Variants in SLC35F4 observed in about 807,000 individuals in gnomAD.
SLC35F4 encodes solute carrier family 35 member F4.
Under a neutral mutation model 44.2 loss-of-function variants are expected in SLC35F4, and 24 were observed. The observed-to-expected ratio is 0.54, with a 90% CI of 0.39 to 0.76. The LOEUF is 0.76. Among genes scored for constraint, SLC35F4 ranks in the 30% least tolerant of loss-of-function variants. The pLI, the probability that SLC35F4 is intolerant of heterozygous loss-of-function variation, is 0.00. For missense variants in SLC35F4, 562 were observed against 586.1 expected (o/e 0.96, Z 0.42); for synonymous variants, 238 against 223.6 (o/e 1.06, Z -0.57).
chr14:57,776,502 TAAAA>T (rs753982085), intron 1 of SLC35F4, among the ~76,000 whole-genome samples: 1 of 151,696 alleles, frequency 6.6e-6, no homozygotes, highest in Non-Finnish European at 1.5e-5. Context: ...CCTTCTCTAC[TAAAA>T]ATACAAAAAA....
At chr14:57,713,022 TA>T (rs145171597) in intron 1 of SLC35F4, among the ~76,000 whole-genome samples, 1 of 152,020 alleles carries the variant, frequency 6.6e-6, no homozygotes, top group East Asian at 1.9e-4. Context: ...GTCAGAAACT[TA>T]AAAAAAATCC....
intron 1 of SLC35F4, among the ~76,000 whole-genome samples, chr14:57,752,861 G>T (rs1031754504): frequency 6.6e-6 from 1 of 152,170 alleles, no homozygotes; most frequent in Non-Finnish European, 1.5e-5. Context: ...CCTCAGGAAA[G>T]CACAAATGAA....
In SLC35F4 at chr14:57,815,646, A is replaced by T. The variant is rs545992719; in HGVS notation, c.103+50077T>A. On this transcript the variant is annotated intron_variant, in intron 1 of 7. Transcript: ENST00000556826. ...GCTATGACCTAGCTTCTGGCAAGGC[A>T]GAATTTACTTAAGGATGCATCATTG... Among the ~76,000 whole-genome samples the T allele has an allele frequency of 3.9e-5, 6 of 152,310 alleles. No individual in the cohort carries two copies. In the East Asian group the frequency reaches 1.2e-3, roughly 29 times the overall value.
chr14:57,855,419 C>T (rs959243203), intron 1 of SLC35F4, among the ~76,000 whole-genome samples: 2 of 152,120 alleles, frequency 1.3e-5, no homozygotes, highest in Non-Finnish European at 2.9e-5. Context: ...ATTTATGCAG[C>T]CAAGAAACAT....
At chr14:57,828,491 A>G (rs893324605) in intron 1 of SLC35F4, among the ~76,000 whole-genome samples, 2 of 152,238 alleles carry the variant, frequency 1.3e-5, no homozygotes, top group Admixed American at 1.3e-4. Context: ...GGCAATGGGT[A>G]TATTTTAATT....
intron 1 of SLC35F4, among the ~76,000 whole-genome samples, chr14:57,847,116 G>A (rs1232504787): frequency 6.6e-6 from 1 of 152,144 alleles, no homozygotes; most frequent in East Asian, 1.9e-4. Context: ...TGTTAATTTT[G>A]CCAGAGTTTT....
intron 1 of SLC35F4, among the ~76,000 whole-genome samples, chr14:57,830,626 G>A (rs1246798129): frequency 6.6e-6 from 1 of 152,158 alleles, no homozygotes; most frequent in East Asian, 1.9e-4. Flanking sequence ...AATTAAATGA[G>A]CCAATATGGT....
Position 57,711,453 on chromosome 14 carries a change from G to A in SLC35F4, c.104-117329C>T, listed in dbSNP as rs186345036. 1.2e-3 allele frequency among the ~76,000 whole-genome samples: 177 copies of A among 152,264 alleles called. 1 individual carries two copies. The highest frequency in any genetic ancestry group is 2.1e-3 in the Non-Finnish European group (144 of 68,020). On this transcript the variant is annotated intron_variant, in intron 1 of 7. Coordinates refer to ENST00000556826, the MANE Select transcript of SLC35F4 (RefSeq NM_001306087.2). ...GAAGTAAAAAAAAGTGGTTATGACC[G>A]AGTTAAACTATGAGTTGAATCATAT...
At chr14:57,949,694 T>A (rs1284570927) in intron 1 of SLC35F4, among the ~76,000 whole-genome samples, 1 of 152,210 alleles carries the variant, frequency 6.6e-6, no homozygotes. Context: ...GGAACTTCTT[T>A]TAGCATTTCT....
chr14:57,834,105 G>A (rs1263614534), intron 1 of SLC35F4, among the ~76,000 whole-genome samples: 1 of 152,146 alleles, frequency 6.6e-6, no homozygotes, highest in Non-Finnish European at 1.5e-5. Context: ...TAAGATGAGA[G>A]CAACCCGACA....
At chr14:57,807,930 G>A (rs1052341379) in intron 1 of SLC35F4, among the ~76,000 whole-genome samples, 2 of 151,722 alleles carry the variant, frequency 1.3e-5, no homozygotes, top group Admixed American at 6.6e-5. Flanking sequence ...GCAAAGGCAT[G>A]TTTTACATGG....
chr14:57,889,166 T>G lies in SLC35F4; in HGVS notation n.282+92747A>C, dbSNP rs148439518. On this transcript the variant is annotated intron_variant and non_coding_transcript_variant, in intron 1 of 1. Transcript: ENST00000556568. ...TTTAGAGCTGCCCTATATAAACGAT[T>G]TGGCTTCCTGGGGCAGTTCATCTGT... is the stretch of plus-strand genomic sequence containing the variant. 1.2e-3 allele frequency among the ~76,000 whole-genome samples: 182 copies of G among 152,346 alleles called. 1 individual carries two copies. Among genetic ancestry groups the G allele is most frequent in the African/African-American group, 4.2e-3 (175 of 41,576 alleles).
intron 1 of SLC35F4, among the ~76,000 whole-genome samples, chr14:57,822,322 T>C (rs2140913230): frequency 6.6e-6 from 1 of 152,320 alleles, no homozygotes; most frequent in South Asian, 2.1e-4. Context: ...CAGTATCACC[T>C]ATGCAACACT....
intron 1 of SLC35F4, among the ~76,000 whole-genome samples, chr14:57,668,091 T>C (rs1257376101): frequency 1.3e-5 from 2 of 150,528 alleles, no homozygotes; most frequent in African/African-American, 2.5e-5. Flanking sequence ...CCAGTGATGA[T>C]GAGCATTTTT....
At chr14:57,650,502 T>C (rs1163433636) in intron 1 of SLC35F4, among the ~76,000 whole-genome samples, 2 of 152,094 alleles carry the variant, frequency 1.3e-5, no homozygotes, top group Non-Finnish European at 2.9e-5. Context: ...CTCAACTACG[T>C]CTACTTCTCA....
At chr14:57,592,287 C>A (rs1453433098) in intron 2 of SLC35F4, among the ~76,000 whole-genome samples, 3 of 152,202 alleles carry the variant, frequency 2.0e-5, no homozygotes, top group Admixed American at 1.3e-4. Context: ...GCTTCTTTAT[C>A]TGTCCAACAG....
intron 1 of SLC35F4, chr14:57,630,165 G>A (rs979722724): frequency 2.0e-5 from 11 of 558,918 alleles, no homozygotes; most frequent in Middle Eastern, 5.9e-4. Flanking sequence ...TGCCTAGGGG[G>A]ATCAGAAGAC....
At chr14:57,890,618 C>T (rs1366771674) in intron 1 of SLC35F4, among the ~76,000 whole-genome samples, 1 of 152,158 alleles carries the variant, frequency 6.6e-6, no homozygotes, top group African/African-American at 2.4e-5. Flanking sequence ...ATCTAGGCCT[C>T]TCTGAAACAC....
intron 1 of SLC35F4, among the ~76,000 whole-genome samples, chr14:57,829,312 A>T (rs1322068289): frequency 6.6e-6 from 1 of 152,218 alleles, no homozygotes; most frequent in Non-Finnish European, 1.5e-5. Flanking sequence ...GAATGCCTAT[A>T]GGTCTGGGTC....
Sources: allele counts gnomAD v4.1 joint callset (sites outside exome capture counted in the v4.1 genomes callset), GRCh38; gene constraint gnomAD v4.1.1; transcripts MANE v1.5; gene names NCBI Gene and HGNC (gene_info 2026-07-23, HGNC 2026-07-21).